Variants in TBC1D22A observed in about 807,000 individuals in gnomAD.
The protein encoded by TBC1D22A is TBC1 domain family member 22A, also known as putative GTPase activator.
A neutral mutation model predicts 60.2 loss-of-function variants in TBC1D22A; 38 were observed. The ratio of observed to expected loss-of-function variants is 0.63; its 90% confidence interval spans 0.49 to 0.83. The LOEUF (loss-of-function observed/expected upper bound fraction) is 0.83. TBC1D22A is among the 40% of genes least tolerant of loss of function. The pLI, the probability that TBC1D22A is intolerant of heterozygous loss-of-function variation, is 0.00. For synonymous variants in TBC1D22A, 302 were observed against 281.7 expected, an observed-to-expected ratio of 1.07 and a Z score of -0.72; for missense variants, 628 against 701.0, an observed-to-expected ratio of 0.90 and a Z score of 1.18.
Position 46,848,255 on chromosome 22 carries a change from A to G in TBC1D22A, c.638-30398A>G, listed in dbSNP as rs2087110854. Among the ~76,000 whole-genome samples the G allele has an allele frequency of 2.0e-5, 3 of 152,244 alleles. No homozygotes were observed. In the South Asian group the frequency reaches 6.2e-4, roughly 31 times the overall value. ...GTCAGAAGAGCCCCAGAAGTATTCTAGTGGAACTCAGGTCGTCCTCCACCC... is the reference window on the plus strand; with the variant it reads ...GTCAGAAGAGCCCCAGAAGTATTCTGGTGGAACTCAGGTCGTCCTCCACCC... On this transcript the variant is annotated intron_variant, in intron 4 of 12. Transcript: ENST00000337137.
At chr22:46,897,164 A>G (rs2147648907) in intron 7 of TBC1D22A, among the ~76,000 whole-genome samples, 1 of 152,332 alleles carries the variant, frequency 6.6e-6, no homozygotes, top group South Asian at 2.1e-4. Context: ...CTAGGAAAGA[A>G]TGAAGCAGCA....
chr22:47,023,509 C>T (rs574611123), intron 10 of TBC1D22A, among the ~76,000 whole-genome samples: 11 of 152,162 alleles, frequency 7.2e-5, no homozygotes, highest in Middle Eastern at 3.4e-3. Flanking sequence ...GAATGCCAAC[C>T]GAGCAGAAAA....
chr22:47,124,996 G>C (rs1010141897), intron 12 of TBC1D22A, among the ~76,000 whole-genome samples: 11 of 152,106 alleles, frequency 7.2e-5, no homozygotes, highest in African/African-American at 2.4e-4. Flanking sequence ...AAGGAGGGAG[G>C]GGCAGGGGCT....
At chr22:47,124,977 A>G (rs138748061) in intron 12 of TBC1D22A, among the ~76,000 whole-genome samples, 19 of 152,136 alleles carry the variant, frequency 1.2e-4, no homozygotes, top group African/African-American at 4.3e-4. Flanking sequence ...GGGTGGGACA[A>G]GCCCTGTAAA....
intron 4 of TBC1D22A, among the ~76,000 whole-genome samples, chr22:46,855,264 A>G (rs1442735476): frequency 2.6e-5 from 4 of 152,198 alleles, no homozygotes; most frequent in African/African-American, 9.7e-5. Context: ...TATACATAAT[A>G]CAGAGTGTGA....
chr22:46,811,858 TGTG>T (rs2085390939), intron 4 of TBC1D22A, among the ~76,000 whole-genome samples: 1 of 152,152 alleles, frequency 6.6e-6, no homozygotes, highest in South Asian at 2.1e-4. Context: ...TTGAGGCAGC[TGTG>T]GTGCCATGAG....
chr22:46,896,919 T>C (rs2068709757), intron 7 of TBC1D22A, among the ~76,000 whole-genome samples: 1 of 152,166 alleles, frequency 6.6e-6, no homozygotes. Flanking sequence ...TTCTATTCCA[T>C]GGAAAGTTAG....
chr22:46,888,585 G>A (rs79467952), intron 5 of TBC1D22A, among the ~76,000 whole-genome samples: 1,881 of 152,322 alleles, frequency 0.012, 32 homozygotes, highest in African/African-American at 0.041. Flanking sequence ...CGTGGGAGAA[G>A]TGACTACTGA....
chr22:47,048,773 G>C (rs1162906811), intron 11 of TBC1D22A, among the ~76,000 whole-genome samples: 1 of 152,170 alleles, frequency 6.6e-6, no homozygotes, highest in South Asian at 2.1e-4. Context: ...GCTCTGGGGG[G>C]AGGTGGGGCA....
chr22:46,946,362 G>A (rs1392493279), intron 8 of TBC1D22A, among the ~76,000 whole-genome samples: 1 of 152,210 alleles, frequency 6.6e-6, no homozygotes, highest in African/African-American at 2.4e-5. Flanking sequence ...GGAGAAAGGT[G>A]CCCCTGACGA....
At chr22:47,141,237 G>T (rs1398734876) in intron 12 of TBC1D22A, among the ~76,000 whole-genome samples, 2 of 152,142 alleles carry the variant, frequency 1.3e-5, no homozygotes, top group Non-Finnish European at 2.9e-5. Flanking sequence ...GTGACCTCCT[G>T]CCGGGCCCCT....
chr22:47,104,299 C>G (rs1334323709), intron 11 of TBC1D22A, among the ~76,000 whole-genome samples: 1 of 152,006 alleles, frequency 6.6e-6, no homozygotes. Flanking sequence ...CAGAGTGAGA[C>G]TCTGTCTCAA....
At chr22:47,109,257 A>G (rs1163487158) in intron 11 of TBC1D22A, among the ~76,000 whole-genome samples, 1 of 152,246 alleles carries the variant, frequency 6.6e-6, no homozygotes, top group Non-Finnish European at 1.5e-5. Flanking sequence ...TGGCAGAACC[A>G]TAAGGAGAAA....
intron 4 of TBC1D22A, among the ~76,000 whole-genome samples, chr22:46,852,430 C>T (rs2087330590): frequency 6.6e-6 from 1 of 152,180 alleles, no homozygotes; most frequent in South Asian, 2.1e-4. Context: ...GTACACGTTC[C>T]CTTGAGGCTG....
rs528311809 is a variant in TBC1D22A at position 46,931,820 on chromosome 22, T to C, written c.1015+19632T>C. On this transcript the variant is annotated intron_variant, in intron 8 of 12. Coordinates refer to ENST00000337137, the MANE Select transcript of TBC1D22A (RefSeq NM_014346.5). ...GACGGACCTTCATTTTTCGTGTAGTTTTCTCCATTCCTGGCTGCTGTTGCA... is the reference window on the plus strand; with the variant it reads ...GACGGACCTTCATTTTTCGTGTAGTCTTCTCCATTCCTGGCTGCTGTTGCA... Among the ~76,000 whole-genome samples the C allele has an allele frequency of 2.6e-5, 4 of 152,378 alleles. No homozygotes were observed. The East Asian group carries it at 7.7e-4, about 29-fold the overall frequency.
At chr22:46,954,573 T>C (rs1276913889) in intron 8 of TBC1D22A, among the ~76,000 whole-genome samples, 1 of 152,132 alleles carries the variant, frequency 6.6e-6, no homozygotes, top group Non-Finnish European at 1.5e-5. Flanking sequence ...CGTCACTATG[T>C]CTGTGGCTCC....
chr22:46,947,228 T>C (rs1295239467), intron 8 of TBC1D22A, among the ~76,000 whole-genome samples: 1 of 152,202 alleles, frequency 6.6e-6, no homozygotes, highest in East Asian at 1.9e-4. Context: ...AATCACCCAC[T>C]TTCTGTGGGT....
intron 4 of TBC1D22A, among the ~76,000 whole-genome samples, chr22:46,814,999 T>C: frequency 6.6e-6 from 1 of 152,218 alleles, no homozygotes; most frequent in Non-Finnish European, 1.5e-5. Context: ...ACACTAACTT[T>C]CTTTGAAAAC....
At chr22:47,141,598 T>G (rs752242560) in intron 12 of TBC1D22A, among the ~76,000 whole-genome samples, 2 of 152,184 alleles carry the variant, frequency 1.3e-5, no homozygotes, top group African/African-American at 4.8e-5. Flanking sequence ...GCCCTGACTT[T>G]CCTCCATGTC....
Sources: allele counts gnomAD v4.1 joint callset (sites outside exome capture counted in the v4.1 genomes callset), GRCh38; gene constraint gnomAD v4.1.1; transcripts MANE v1.5; gene names NCBI Gene and HGNC (gene_info 2026-07-23, HGNC 2026-07-21).